Variants in CDCA2 observed in about 807,000 individuals in gnomAD.
The protein encoded by CDCA2 is cell division cycle-associated protein 2.
A neutral mutation model predicts 67.0 loss-of-function variants in CDCA2; 44 were observed. The ratio of observed to expected loss-of-function variants is 0.66; its 90% CI spans 0.52 to 0.84. The LOEUF (loss-of-function observed/expected upper bound fraction) is 0.84. Ranked by LOEUF, CDCA2 falls within the 40% of genes least tolerant of loss-of-function variation. CDCA2 has a pLI of 0.00. For missense variants in CDCA2, 1,253 were observed against 1,203.2 expected, an observed-to-expected ratio of 1.04 and a Z score of -0.61; for synonymous variants, 447 against 418.7, an observed-to-expected ratio of 1.07 and a Z score of -0.82.
In CDCA2 at chr8:25,468,384, G is replaced by T. The variant is rs1206527980; in HGVS notation, c.706G>T (p.Ala236Ser). ...CAATATTGATACAGACAGAGCATGTGCAGTTGAAACTTCTGTAGATCTTTC... is the reference window on the plus strand; with the variant it reads ...CAATATTGATACAGACAGAGCATGTTCAGTTGAAACTTCTGTAGATCTTTC... Reference protein sequence around the residue: ...IFNIDTDRACAVETSVDLSEI... With the variant: ...IFNIDTDRACSVETSVDLSEI... The change falls in exon 6 of 15, where the codon GCA becomes TCA. Residue 236 changes from alanine to serine, a missense_variant. Ala to Ser is a moderately conservative substitution (Grantham distance 99). Transcript: ENST00000330560. The T allele has an allele frequency of 5.0e-6, 8 of 1,612,128 alleles. No individual in the cohort carries two copies. Among genetic ancestry groups the T allele is most frequent in the Admixed American group, 1.7e-5 (1 of 59,716 alleles).
intron 7 of CDCA2, among the ~76,000 whole-genome samples, chr8:25,475,706 G>A (rs2117501510): frequency 6.6e-6 from 1 of 152,232 alleles, no homozygotes. Context: ...ATTTTAACCT[G>A]GAAGACCCAC....
intron 13 of CDCA2, among the ~76,000 whole-genome samples, chr8:25,489,282 C>T (rs1445201225): frequency 2.0e-5 from 3 of 152,154 alleles, no homozygotes; most frequent in Admixed American, 1.3e-4. Context: ...TGTTACTGCC[C>T]GTGTAGCAGT....
intron 14 of CDCA2, 47 bp from the exon 15 acceptor site, chr8:25,506,463 C>A: frequency 6.9e-7 from 1 of 1,453,956 alleles, no homozygotes; most frequent in Non-Finnish European, 9.2e-7. Context: ...AAGTTCATTC[C>A]CATTGTTACT....
chr8:25,477,286 C>A (rs892300573), intron 7 of CDCA2, among the ~76,000 whole-genome samples: 1 of 152,202 alleles, frequency 6.6e-6, no homozygotes, highest in African/African-American at 2.4e-5. Context: ...ATGTCATTCT[C>A]ATTTTCCCTT....
rs759882033 is a variant in CDCA2, at chr8:25,469,936, T to C, written c.776T>C (p.Val259Ala). Residue 259 changes from valine (V) to alanine (A), a missense_variant, in exon 7 of 15, where the codon GTT becomes GCT. Physicochemically the swap from Val to Ala is moderately conservative, Grantham distance 64 (BLOSUM62 0). Transcript: ENST00000330560. ...GGTTCAACACAGTCTGGATTTTTAG[T>C]TGAAGAGTCTCTTCCCCTTTCAGAG... is the stretch of plus-strand genomic sequence containing the variant. ...KLGSTQSGFL[V>A]EESLPLSELT... 7 of 1,612,166 alleles carry C rather than the reference T, an allele frequency of 4.3e-6. No individual in the cohort carries two copies. The highest frequency in any genetic ancestry group is 1.1e-5 in the South Asian group (1 of 90,766).
intron 13 of CDCA2, among the ~76,000 whole-genome samples, chr8:25,495,611 T>A (rs185294585): frequency 6.6e-6 from 1 of 152,056 alleles, no homozygotes; most frequent in Non-Finnish European, 1.5e-5. Context: ...TAGTAGAGAC[T>A]GGGTTTCACC....
intron 13 of CDCA2, among the ~76,000 whole-genome samples, chr8:25,500,085 C>T (rs1804412508): frequency 6.6e-6 from 1 of 152,112 alleles, no homozygotes; most frequent in Non-Finnish European, 1.5e-5. Context: ...CATGAAAAAA[C>T]AGAAATTTAG....
At chr8:25,466,630 T>C (rs1802912139) in intron 5 of CDCA2, among the ~76,000 whole-genome samples, 1 of 152,188 alleles carries the variant, frequency 6.6e-6, no homozygotes, top group Admixed American at 6.5e-5. Context: ...TGTGGCAAAT[T>C]TGAGTTTACA....
rs1411295808 is a variant in CDCA2 at position 25,488,626 on chromosome 8, AATT to A, written c.1610_1612del (p.Ile537del). 2 of 1,613,294 alleles carry A rather than the reference AATT, an allele frequency of 1.2e-6. No individual in the cohort carries two copies. Among genetic ancestry groups the A allele is most frequent in the South Asian group, 2.2e-5 (2 of 90,950 alleles). On this transcript the variant is annotated inframe_deletion, in exon 13 of 15. Transcript: ENST00000330560. ...AAGTTCAGCCTTGTAAAGAAAAGAA[AATT>A]AATAGGAGGAAGTCTCAAGAAACAA...
At chr8:25,460,354 C>A (rs775151551) in intron 2 of CDCA2, 30 bp from the exon 3 acceptor site, 70 of 1,614,026 alleles carry the variant, frequency 4.3e-5, no homozygotes, top group Non-Finnish European at 5.8e-5. Flanking sequence ...GAGAGTTGTC[C>A]TCACCCCTAC....
At position 25,485,945 on chromosome 8, in the gene CDCA2, C is replaced by G. The variant is rs576495215; in HGVS notation, c.1444+108C>G. 32 of 595,930 alleles carry G rather than the reference C, an allele frequency of 5.4e-5. No homozygotes were observed. The African/African-American group carries it at 6.1e-4, about 11-fold the overall frequency. The allele number at this position is 595,930 out of a possible 1,614,324, so 36.9% of individuals were successfully genotyped here. ...TTCATATTTGTTACCACAACATATA[C>G]TTGGTTTAAAAACACCTAATAGTAT... On this transcript the variant is annotated intron_variant, in intron 11 of 14. Coordinates refer to ENST00000330560, the MANE Select transcript of CDCA2 (RefSeq NM_152562.4).
chr8:25,481,233 CA>C (rs11438950), intron 8 of CDCA2, among the ~76,000 whole-genome samples: 48,099 of 128,538 alleles, frequency 0.37, 7,206 homozygotes, highest in African/African-American at 0.47. Flanking sequence ...CAGTCTGGGA[CA>C]AAAAAAAAAA....
At chr8:25,487,628 A>C (rs968095311) in intron 12 of CDCA2, among the ~76,000 whole-genome samples, 1 of 152,166 alleles carries the variant, frequency 6.6e-6, no homozygotes, top group Non-Finnish European at 1.5e-5. Flanking sequence ...CTGTAGTCCC[A>C]GCTACTAGGG....
At chr8:25,469,406 TTGTTTGAACATA>T (rs914653827) in intron 6 of CDCA2, among the ~76,000 whole-genome samples, 1 of 152,256 alleles carries the variant, frequency 6.6e-6, no homozygotes, top group Non-Finnish European at 1.5e-5. Flanking sequence ...CTTTGATTAA[TTGTTTGAACATA>T]CATCATGATT....
chr8:25,474,218 GCAT>G (rs1183347917), intron 7 of CDCA2, among the ~76,000 whole-genome samples: 2 of 152,284 alleles, frequency 1.3e-5, no homozygotes, highest in Admixed American at 1.3e-4. Context: ...GAGGATTTTT[GCAT>G]CTTTGTTCAC....
intron 13 of CDCA2, among the ~76,000 whole-genome samples, chr8:25,494,370 T>A (rs1442116703): frequency 2.0e-5 from 3 of 152,160 alleles, no homozygotes; most frequent in Non-Finnish European, 4.4e-5. Flanking sequence ...AAAATAAAAA[T>A]TTTAAAATAC....
At chr8:25,476,996 C>G (rs755220662) in intron 7 of CDCA2, among the ~76,000 whole-genome samples, 7 of 152,306 alleles carry the variant, frequency 4.6e-5, no homozygotes, top group Admixed American at 1.3e-4. Flanking sequence ...TCTTAAACTT[C>G]CCTTTGCCCC....
chr8:25,493,129 A>G (rs1217926221), intron 13 of CDCA2, among the ~76,000 whole-genome samples: 1 of 152,224 alleles, frequency 6.6e-6, no homozygotes. Flanking sequence ...TGAGACATTC[A>G]AGATATATAT....
At chr8:25,506,452 A>G (rs1804679100) in intron 14 of CDCA2, 58 bp from the exon 15 acceptor site, 5 of 1,409,806 alleles carry the variant, frequency 3.5e-6, no homozygotes, top group Non-Finnish European at 4.7e-6. Flanking sequence ...TAATAAATGT[A>G]AAGTTCATTC....
Sources: allele counts gnomAD v4.1 joint callset (sites outside exome capture counted in the v4.1 genomes callset), GRCh38; gene constraint gnomAD v4.1.1; transcripts MANE v1.5; gene names NCBI Gene and HGNC (gene_info 2026-07-23, HGNC 2026-07-21).